SPOCK3: variants seen among roughly 807,000 people sequenced by gnomAD.
SPOCK3 encodes the protein SPARC (osteonectin), cwcv and kazal like domains proteoglycan 3.
In SPOCK3, 30 loss-of-function variants were observed where a neutral mutation model predicts 56.6. That is an observed-to-expected ratio of 0.53 (90% CI 0.40 to 0.72). The LOEUF (loss-of-function observed/expected upper bound fraction) is 0.72, where lower values mean the gene tolerates loss of function less well. SPOCK3 is among the 30% of genes least tolerant of loss of function. The pLI is 0.00. For missense variants in SPOCK3, 527 were observed against 530.0 expected, an observed-to-expected ratio of 0.99 and a Z score of 0.06; for synonymous variants, 196 against 183.3, an observed-to-expected ratio of 1.07 and a Z score of -0.56.
At chr4:167,096,226 C>T (rs1705924596) in intron 2 of SPOCK3, among the ~76,000 whole-genome samples, 1 of 151,890 alleles carries the variant, frequency 6.6e-6, no homozygotes, top group African/African-American at 2.4e-5. Flanking sequence ...CAAAATCCCG[C>T]AAACTATATT....
intron 7 of SPOCK3, among the ~76,000 whole-genome samples, chr4:166,777,887 G>T (rs1487332187): frequency 4.6e-5 from 7 of 152,122 alleles, no homozygotes; most frequent in Admixed American, 3.9e-4. Flanking sequence ...ATTTTGCATT[G>T]TAAGGATTAC....
intron 4 of SPOCK3, chr4:166,918,365 C>T (rs1242070153): frequency 1.3e-5 from 2 of 152,060 alleles, no homozygotes; most frequent in Non-Finnish European, 2.9e-5. Flanking sequence ...AAGGTATATA[C>T]TCTATGAATG....
At chr4:167,100,117 CTATCAATTTACTTCCTATAAAA>C (rs1233872110) in intron 2 of SPOCK3, among the ~76,000 whole-genome samples, 1 of 152,122 alleles carries the variant, frequency 6.6e-6, no homozygotes, top group Non-Finnish European at 1.5e-5. Flanking sequence ...CAAACTCTCA[CTATCAATTTACTTCCTATAAAA>C]TATTTTATTT....
At chr4:167,201,325 T>C (rs1733497311) in intron 2 of SPOCK3, among the ~76,000 whole-genome samples, 1 of 151,968 alleles carries the variant, frequency 6.6e-6, no homozygotes, top group Admixed American at 6.6e-5. Flanking sequence ...TGATTGATGA[T>C]AATATTTTCC....
chr4:166,837,139 G>T (rs1042636099), intron 6 of SPOCK3, among the ~76,000 whole-genome samples: 1 of 152,160 alleles, frequency 6.6e-6, no homozygotes, highest in Non-Finnish European at 1.5e-5. Flanking sequence ...AAGTTGGCAG[G>T]AGTTTTGTTC....
chr4:166,746,934 G>A (rs1261786148), intron 8 of SPOCK3, among the ~76,000 whole-genome samples: 1 of 152,068 alleles, frequency 6.6e-6, no homozygotes, highest in African/African-American at 2.4e-5. Context: ...ACTAAACCAG[G>A]AAGAAGTTGA....
intron 7 of SPOCK3, among the ~76,000 whole-genome samples, chr4:166,764,874 T>C (rs944169543): frequency 2.6e-5 from 4 of 151,552 alleles, no homozygotes; most frequent in African/African-American, 9.7e-5. Context: ...TTTTTAATGA[T>C]CACCATTCTA....
At position 166,985,142 on chromosome 4, in the gene SPOCK3, A is replaced by G. The variant is rs532621132; in HGVS notation, c.350+15207T>C. Reference sequence around the variant, plus strand: ...TCTTTGAATCACTACAGAAGTTGGGAAAGAAATTGACTTAAACTCTGGCTT... The same window carrying G: ...TCTTTGAATCACTACAGAAGTTGGGGAAGAAATTGACTTAAACTCTGGCTT... On this transcript the variant is annotated intron_variant, in intron 4 of 10. Coordinates refer to ENST00000357545, the MANE Select transcript of SPOCK3 (RefSeq NM_001040159.2). Among the ~76,000 whole-genome samples, 3 of 152,242 alleles carry G rather than the reference A, an allele frequency of 2.0e-5. No homozygotes were observed. In the South Asian group the frequency reaches 6.2e-4, roughly 32 times the overall value.
intron 2 of SPOCK3, among the ~76,000 whole-genome samples, chr4:167,223,482 A>G (rs1021415405): frequency 2.0e-5 from 3 of 151,692 alleles, no homozygotes; most frequent in African/African-American, 2.4e-5. Flanking sequence ...CAGCATTAAC[A>G]GATGAAGAAG....
intron 6 of SPOCK3, among the ~76,000 whole-genome samples, chr4:166,819,846 A>C (rs748350239): frequency 4.6e-5 from 7 of 151,862 alleles, no homozygotes; most frequent in Non-Finnish European, 7.4e-5. Context: ...GAGCTTTCCA[A>C]GTAGATGGGA....
chr4:166,926,034 C>T (rs1418228737), intron 4 of SPOCK3, among the ~76,000 whole-genome samples: 1 of 152,096 alleles, frequency 6.6e-6, no homozygotes, highest in African/African-American at 2.4e-5. Flanking sequence ...ATTTACACAA[C>T]CACTTGAGTG....
intron 6 of SPOCK3, among the ~76,000 whole-genome samples, chr4:166,863,220 T>C (rs745900397): frequency 6.6e-6 from 1 of 152,132 alleles, no homozygotes; most frequent in Non-Finnish European, 1.5e-5. Context: ...CTGAGGGATT[T>C]TGTACCACCA....
At chr4:166,905,741 G>A (rs1005174566) in intron 5 of SPOCK3, among the ~76,000 whole-genome samples, 1 of 151,848 alleles carries the variant, frequency 6.6e-6, no homozygotes, top group Non-Finnish European at 1.5e-5. Context: ...CTGGAGAGAT[G>A]ACAAAACATT....
intron 3 of SPOCK3, among the ~76,000 whole-genome samples, chr4:167,024,481 G>T (rs1751503822): frequency 6.6e-6 from 1 of 151,994 alleles, no homozygotes; most frequent in African/African-American, 2.4e-5. Context: ...TTATGTAAGA[G>T]ATGCCCTGAG....
chr4:167,126,470 C>T lies in SPOCK3; in HGVS notation c.190-63933G>A, dbSNP rs148164386. 2.1e-3 allele frequency among the ~76,000 whole-genome samples: 320 copies of T among 152,092 alleles called. 1 individual carries two copies. The highest frequency in any genetic ancestry group is 0.02 in the Middle Eastern group (6 of 294). On this transcript the variant is annotated intron_variant, in intron 2 of 10. Coordinates refer to ENST00000357545, the MANE Select transcript of SPOCK3 (RefSeq NM_001040159.2). Reference sequence around the variant, plus strand: ...AGGCTGAGGCAGGATAATTGCTTGACCCCAGGAGGCAGAGGTTTCAGTGAG... The same window carrying T: ...AGGCTGAGGCAGGATAATTGCTTGATCCCAGGAGGCAGAGGTTTCAGTGAG...
intron 3 of SPOCK3, among the ~76,000 whole-genome samples, chr4:167,034,362 T>C (rs1043228652): frequency 1.3e-5 from 2 of 151,818 alleles, no homozygotes; most frequent in Non-Finnish European, 2.9e-5. Context: ...GAATAACAAA[T>C]TATCCTGGGT....
chr4:166,835,634 C>G (rs12640605), intron 6 of SPOCK3, among the ~76,000 whole-genome samples: 1 of 151,892 alleles, frequency 6.6e-6, no homozygotes, highest in Non-Finnish European at 1.5e-5. Flanking sequence ...TTTGTGGGTT[C>G]TAAACGTTGT....
intron 5 of SPOCK3, among the ~76,000 whole-genome samples, chr4:166,910,615 G>A (rs909987763): frequency 2.0e-5 from 3 of 152,070 alleles, no homozygotes; most frequent in African/African-American, 7.2e-5. Flanking sequence ...ACTTATAATT[G>A]TAACTTGGTG....
At chr4:166,826,430 T>C (rs890900515) in intron 6 of SPOCK3, among the ~76,000 whole-genome samples, 1 of 152,092 alleles carries the variant, frequency 6.6e-6, no homozygotes, top group African/African-American at 2.4e-5. Flanking sequence ...TAATAGACTG[T>C]CAAATCAAAA....
Sources: gnomAD v4.1 joint callset for allele counts (sites outside exome capture counted in the v4.1 genomes callset) on GRCh38, gnomAD v4.1.1 for gene constraint, MANE v1.5 for transcripts, NCBI Gene and HGNC (gene_info 2026-07-23, HGNC 2026-07-21) for gene names.